Variants in TMEM163 observed in about 807,000 individuals in gnomAD.
TMEM163 encodes the protein transmembrane protein 163.
A neutral mutation model predicts 29.3 loss-of-function variants in TMEM163; 17 were observed. The ratio of observed to expected loss-of-function variants is 0.58; its 90% CI spans 0.40 to 0.87. TMEM163 has a LOEUF of 0.87. Among genes scored for constraint, TMEM163 ranks in the 40% least tolerant of loss-of-function variants. The pLI is 0.00. For synonymous variants in TMEM163, 157 were observed against 160.6 expected (o/e 0.98, Z 0.17); for missense variants, 303 against 381.5 (o/e 0.79, Z 1.71).
intron 4 of TMEM163, among the ~76,000 whole-genome samples, chr2:134,536,153 T>C (rs1051164837): frequency 2.6e-5 from 4 of 152,222 alleles, no homozygotes; most frequent in African/African-American, 9.6e-5. Context: ...ATAAGAAGTT[T>C]CAACCTTAAC....
At position 134,650,004 on chromosome 2, in the gene TMEM163, TAAAAAAAAAA is replaced by T. The variant is rs1319130397; in HGVS notation, c.322+63186_322+63195del. Among the ~76,000 whole-genome samples the T allele has an allele frequency of 4.1e-5, 4 of 97,572 alleles. No homozygotes were observed. The South Asian group carries it at 1.4e-3, about 34-fold the overall frequency. 64.0% of individuals were successfully genotyped at this position (97,572 alleles called of 152,430 possible). A position where few individuals can be genotyped will look rare whatever the true frequency, so the allele number is the denominator to read the frequency against. ...TGGGCAACAGAGTGAGACCCTGTCT[TAAAAAAAAAA>T]AAAAAAAAAAAGAATGATGTAGGTC... On this transcript the variant is annotated intron_variant, in intron 2 of 7. Coordinates refer to ENST00000281924, the MANE Select transcript of TMEM163 (RefSeq NM_030923.5).
At chr2:134,709,567 T>C (rs1324119584) in intron 2 of TMEM163, among the ~76,000 whole-genome samples, 1 of 152,232 alleles carries the variant, frequency 6.6e-6, no homozygotes, top group African/African-American at 2.4e-5. Flanking sequence ...TGAGAAGACA[T>C]GGTATATTGA....
At chr2:134,633,772 G>A (rs1041447168) in intron 2 of TMEM163, among the ~76,000 whole-genome samples, 1 of 151,754 alleles carries the variant, frequency 6.6e-6, no homozygotes, top group African/African-American at 2.4e-5. Flanking sequence ...GACCAGACTG[G>A]CCAACATGGC....
chr2:134,573,398 G>T lies in TMEM163; in HGVS notation c.323-21307C>A, dbSNP rs184207578. ...TATAAGCCAGTGTTTCTCAACCGGGGGCACTTTTAGCCGCCAGGGGGTATT... is the reference window on the plus strand; with the variant it reads ...TATAAGCCAGTGTTTCTCAACCGGGTGCACTTTTAGCCGCCAGGGGGTATT... On this transcript the variant is annotated intron_variant, in intron 2 of 7. Coordinates refer to ENST00000281924, the MANE Select transcript of TMEM163 (RefSeq NM_030923.5). Among the ~76,000 whole-genome samples the T allele has an allele frequency of 7.9e-5, 12 of 152,236 alleles. No individual in the cohort carries two copies. In the East Asian group the frequency reaches 1.7e-3, roughly 22 times the overall value.
chr2:134,549,716 C>T (rs1680870032), intron 4 of TMEM163, among the ~76,000 whole-genome samples: 1 of 152,160 alleles, frequency 6.6e-6, no homozygotes, highest in Admixed American at 6.5e-5. Context: ...GTTCAACTGT[C>T]CAAAAGCTGC....
At chr2:134,520,007 A>G (rs949684524) in intron 4 of TMEM163, among the ~76,000 whole-genome samples, 3 of 152,162 alleles carry the variant, frequency 2.0e-5, no homozygotes, top group African/African-American at 7.2e-5. Context: ...AGAGACAAAG[A>G]CAGTTCGCAT....
rs1686502772 is a variant in TMEM163 at position 134,460,154 on chromosome 2, C to T, written c.668-1981G>A. Among the ~76,000 whole-genome samples, 1 of 151,372 alleles carries T rather than the reference C, an allele frequency of 6.6e-6. No homozygotes were observed. Among genetic ancestry groups the T allele is most frequent in the Non-Finnish European group, 1.5e-5 (1 of 67,882 alleles). On this transcript the variant is annotated intron_variant, in intron 6 of 7. Transcript: ENST00000281924. The surrounding 1 kb of genome is among the most constrained non-coding windows in gnomAD (Gnocchi z 4.3). ...CACCTGTGGCCCTCCCTGTACCCCG[C>T]CACAGCCAGAGGGACCCTCTGTCGG...
intron 5 of TMEM163, among the ~76,000 whole-genome samples, chr2:134,486,524 C>T (rs919182387): frequency 6.6e-6 from 1 of 152,104 alleles, no homozygotes; most frequent in African/African-American, 2.4e-5. Context: ...TTTTACAAAT[C>T]ACAAGTAATA....
chr2:134,658,009 G>GA (rs111462462), intron 2 of TMEM163, among the ~76,000 whole-genome samples: 12 of 151,318 alleles, frequency 7.9e-5, no homozygotes, highest in East Asian at 1.9e-4. Flanking sequence ...CTTAAAAGTT[G>GA]AAAAAAAAGA....
chr2:134,580,012 A>G (rs1038017697), intron 2 of TMEM163, among the ~76,000 whole-genome samples: 4 of 152,196 alleles, frequency 2.6e-5, no homozygotes, highest in African/African-American at 9.6e-5. Flanking sequence ...CCAAAGCTCA[A>G]TTATCAAACC....
At chr2:134,657,264 A>G (rs1683642144) in intron 2 of TMEM163, among the ~76,000 whole-genome samples, 1 of 152,150 alleles carries the variant, frequency 6.6e-6, no homozygotes. Flanking sequence ...TACTGATTCA[A>G]TTTCAGAACT....
chr2:134,710,549 T>C (rs1172017775), intron 2 of TMEM163, among the ~76,000 whole-genome samples: 4 of 152,016 alleles, frequency 2.6e-5, no homozygotes, highest in Non-Finnish European at 5.9e-5. Context: ...AAAATTGTAA[T>C]TGTTTATAAA....
Position 134,700,501 on chromosome 2 carries a change from A to G in TMEM163, c.322+12699T>C, listed in dbSNP as rs1334458851. The stretch of plus-strand genomic sequence containing the variant: ...TCACATACTATATTTTTCATTACAA[A>G]TTGTTCTTCTGACACTTCCAGGGAA... On this transcript the variant is annotated intron_variant, in intron 2 of 7. Transcript: ENST00000281924. 2.0e-5 allele frequency among the ~76,000 whole-genome samples: 3 copies of G among 152,142 alleles called. No homozygotes were observed. The East Asian group carries it at 5.8e-4, about 29-fold the overall frequency.
Position 134,502,912 on chromosome 2 carries a change from G to A in TMEM163, c.544C>T (p.Leu182Phe). 3.1e-6 allele frequency: 5 copies of A among 1,613,706 alleles called. No homozygotes were observed. Among genetic ancestry groups the A allele is most frequent in the Non-Finnish European group, 3.4e-6 (4 of 1,179,830 alleles). ...AAGAAGGACCTTACCACTTCTGGGA[G>A]CAGCCTAGTTGAGAGGTCATGGATG... ...KAIHDLSTRL[L>F]PEVDDFLFSV... Residue 182 changes from leucine to phenylalanine, a missense_variant, in exon 5 of 8, where the codon CTC (leucine) becomes TTC (phenylalanine). By Grantham distance (22) the Leu-to-Phe change is conservative. Around this residue, in one of 2 missense-constraint regions of TMEM163, gnomAD observed 203 missense variants for 294.3 expected, o/e 0.69. Transcript: ENST00000281924.
intron 2 of TMEM163, among the ~76,000 whole-genome samples, chr2:134,661,162 GCTCTCT>G (rs10660772): frequency 2.7e-5 from 4 of 150,108 alleles, no homozygotes; most frequent in African/African-American, 4.9e-5. Context: ...GCTCTTGCTT[GCTCTCT>G]CTCTCTCTCT....
intron 2 of TMEM163, among the ~76,000 whole-genome samples, chr2:134,701,031 A>T (rs1338736352): frequency 6.6e-6 from 1 of 151,904 alleles, no homozygotes; most frequent in Non-Finnish European, 1.5e-5. Flanking sequence ...ATGCAGATGC[A>T]TGGGGCATAG....
intron 2 of TMEM163, among the ~76,000 whole-genome samples, chr2:134,600,613 T>C (rs920614584): frequency 6.6e-6 from 1 of 152,134 alleles, no homozygotes; most frequent in Non-Finnish European, 1.5e-5. Flanking sequence ...AATTGACAGG[T>C]GGAGCCTTTA....
chr2:134,671,054 C>T (rs893940530), intron 2 of TMEM163, among the ~76,000 whole-genome samples: 1 of 152,226 alleles, frequency 6.6e-6, no homozygotes, highest in African/African-American at 2.4e-5. Flanking sequence ...CCTCTGGGAA[C>T]GATGTCTGTG....
At chr2:134,502,573 A>G (rs1157626488) in intron 5 of TMEM163, among the ~76,000 whole-genome samples, 1 of 152,230 alleles carries the variant, frequency 6.6e-6, no homozygotes, top group Non-Finnish European at 1.5e-5. Context: ...CAACAGATGC[A>G]AACAACACAG....
Sources: gnomAD v4.1 joint callset for allele counts (sites outside exome capture counted in the v4.1 genomes callset) on GRCh38, gnomAD v4.1.1 for gene constraint, gnomAD v4.1.1 regional missense constraint, Gnocchi (gnomAD v3.1) non-coding constraint, MANE v1.5 for transcripts, NCBI Gene and HGNC (gene_info 2026-07-23, HGNC 2026-07-21) for gene names.